Variants in CTNNA3 observed in about 807,000 individuals in gnomAD.
CTNNA3 encodes catenin alpha 3.
CTNNA3 carries 76 observed loss-of-function variants against 95.7 expected under a neutral mutation model. That is an observed-to-expected ratio of 0.79 (90% CI 0.66 to 0.96). The LOEUF is 0.96. Ranked by LOEUF, CTNNA3 falls within the 40% of genes least tolerant of loss-of-function variation. The pLI is 0.00. For synonymous variants in CTNNA3, 431 were observed against 374.4 expected (o/e 1.15, Z -1.74); for missense variants, 1,191 against 1,089.8 (o/e 1.09, Z -1.31).
At chr10:67,634,904 G>C (rs1278123558) in intron 2 of CTNNA3, among the ~76,000 whole-genome samples, 1 of 152,038 alleles carries the variant, frequency 6.6e-6, no homozygotes, top group Non-Finnish European at 1.5e-5. Context: ...AGATCATCAA[G>C]ACAGAAAATT....
intron 6 of CTNNA3, among the ~76,000 whole-genome samples, chr10:67,181,625 T>C (rs1213377606): frequency 6.6e-6 from 1 of 152,044 alleles, no homozygotes; most frequent in East Asian, 1.9e-4. Flanking sequence ...GATATGTATA[T>C]GTATTTTATA....
intron 5 of CTNNA3, among the ~76,000 whole-genome samples, chr10:67,403,594 G>A (rs1177581446): frequency 6.6e-6 from 1 of 152,214 alleles, no homozygotes; most frequent in African/African-American, 2.4e-5. Context: ...GGCCAGGTGG[G>A]CTGCCACCTG....
intron 7 of CTNNA3, among the ~76,000 whole-genome samples, chr10:67,020,665 A>C (rs1411631580): frequency 2.0e-5 from 3 of 152,206 alleles, no homozygotes; most frequent in Non-Finnish European, 4.4e-5. Flanking sequence ...GGAATGGAAA[A>C]TTCAGATTTG....
At chr10:67,633,604 G>T (rs1839214363) in intron 2 of CTNNA3, among the ~76,000 whole-genome samples, 1 of 152,114 alleles carries the variant, frequency 6.6e-6, no homozygotes, top group Admixed American at 6.6e-5. Flanking sequence ...GGCAACTAGG[G>T]TCTGGAGTGG....
chr10:66,815,742 A>T (rs1037041718), intron 7 of CTNNA3, among the ~76,000 whole-genome samples: 4 of 152,180 alleles, frequency 2.6e-5, no homozygotes, highest in African/African-American at 9.7e-5. Context: ...ACTGCCACAT[A>T]ATCGAAACGT....
chr10:66,468,121 T>A (rs1838993366), intron 11 of CTNNA3, among the ~76,000 whole-genome samples: 1 of 152,060 alleles, frequency 6.6e-6, no homozygotes, highest in South Asian at 2.1e-4. Flanking sequence ...AAGAAATTCT[T>A]ATTTGTTGTT....
rs534989055 is a variant in CTNNA3, at chr10:67,007,144, C to G, written c.1047+173173G>C. On this transcript the variant is annotated intron_variant, in intron 7 of 17. Coordinates refer to ENST00000433211, the MANE Select transcript of CTNNA3 (RefSeq NM_013266.4). Reference sequence around the variant, plus strand: ...GCTTATTGGTTCTTCACTGTAGGTTCAAGAGCATTGTCAATTATGCCTCTG... The same window carrying G: ...GCTTATTGGTTCTTCACTGTAGGTTGAAGAGCATTGTCAATTATGCCTCTG... Among the ~76,000 whole-genome samples the G allele has an allele frequency of 4.6e-5, 7 of 152,222 alleles. No individual in the cohort carries two copies. The South Asian group carries it at 1.2e-3, about 27-fold the overall frequency.
intron 7 of CTNNA3, among the ~76,000 whole-genome samples, chr10:67,090,597 A>T (rs986323376): frequency 6.6e-6 from 1 of 152,134 alleles, no homozygotes. Flanking sequence ...AAACTATCTA[A>T]GTCTTCCTTT....
At chr10:67,086,747 T>C (rs1252516340) in intron 7 of CTNNA3, among the ~76,000 whole-genome samples, 2 of 152,116 alleles carry the variant, frequency 1.3e-5, no homozygotes, top group South Asian at 2.1e-4. Flanking sequence ...CTATCAGTCA[T>C]AGATATGGAG....
At chr10:66,273,458 G>T (rs4745897) in intron 13 of CTNNA3, among the ~76,000 whole-genome samples, 28,222 of 152,024 alleles carry the variant, frequency 0.19, 2,907 homozygotes, top group Admixed American at 0.27. Flanking sequence ...ACAGATAAGT[G>T]AAACCATGAA....
rs141700267 is a variant in CTNNA3, at chr10:67,350,038, G to T, written c.580-130168C>A. ...AATAAGATGAGTCCTGTTGCAGATG[G>T]TAATTTAATTACCAATTTCGGGCAT... is the stretch of plus-strand genomic sequence containing the variant. On this transcript the variant is annotated intron_variant, in intron 5 of 17. Transcript: ENST00000433211. 1.3e-4 allele frequency among the ~76,000 whole-genome samples: 20 copies of T among 152,206 alleles called. No individual in the cohort carries two copies. In the East Asian group the frequency reaches 3.7e-3, roughly 28 times the overall value.
At chr10:66,197,946 T>C (rs779175650) in intron 13 of CTNNA3, among the ~76,000 whole-genome samples, 2 of 152,146 alleles carry the variant, frequency 1.3e-5, no homozygotes, top group East Asian at 3.9e-4. Context: ...AAAATAACTC[T>C]AAGGAGGCAA....
At chr10:66,663,058 GCACATTCTTCGTC>G (rs1473205385) in intron 9 of CTNNA3, among the ~76,000 whole-genome samples, 58 of 152,064 alleles carry the variant, frequency 3.8e-4, no homozygotes, top group African/African-American at 1.2e-3. Flanking sequence ...GAATCCAATG[GCACATTCTTCGTC>G]CTCACCTTAA....
At chr10:65,949,283 T>A (rs1390815822) in intron 17 of CTNNA3, among the ~76,000 whole-genome samples, 1 of 152,214 alleles carries the variant, frequency 6.6e-6, no homozygotes, top group Non-Finnish European at 1.5e-5. Context: ...TTACTAACCA[T>A]GTGACATTTG....
At chr10:66,014,808 A>G (rs775198651) in intron 15 of CTNNA3, among the ~76,000 whole-genome samples, 43 of 152,198 alleles carry the variant, frequency 2.8e-4, no homozygotes, top group Admixed American at 1.9e-3. Flanking sequence ...ATCACGCTAT[A>G]TAACTTTTTG....
At chr10:66,078,618 A>G (rs372650354) in intron 14 of CTNNA3, among the ~76,000 whole-genome samples, 6 of 152,084 alleles carry the variant, frequency 3.9e-5, no homozygotes, top group African/African-American at 1.4e-4. Flanking sequence ...CATTACAAAA[A>G]TAAACTATAA....
intron 17 of CTNNA3, among the ~76,000 whole-genome samples, chr10:65,941,143 T>C (rs1424789251): frequency 6.6e-6 from 1 of 152,224 alleles, no homozygotes; most frequent in African/African-American, 2.4e-5. Flanking sequence ...GTTAAATAGC[T>C]TTAGATATAT....
intron 1 of CTNNA3, among the ~76,000 whole-genome samples, chr10:67,687,872 C>T (rs1840763835): frequency 6.6e-6 from 1 of 152,106 alleles, no homozygotes; most frequent in Admixed American, 6.5e-5. Context: ...CACAGGTCAA[C>T]AGATGTTTGC....
At chr10:67,649,373 T>C (rs1013285591) in intron 1 of CTNNA3, among the ~76,000 whole-genome samples, 3 of 152,232 alleles carry the variant, frequency 2.0e-5, no homozygotes, top group African/African-American at 7.2e-5. Context: ...ATATCATATG[T>C]AAATCCTTCT....
Sources: gnomAD v4.1 joint callset for allele counts (sites outside exome capture counted in the v4.1 genomes callset) on GRCh38, gnomAD v4.1.1 for gene constraint, MANE v1.5 for transcripts, NCBI Gene and HGNC (gene_info 2026-07-23, HGNC 2026-07-21) for gene names.